Variants in FAM163A observed in about 807,000 individuals in gnomAD.
FAM163A encodes the protein protein FAM163A.
In FAM163A, 7 loss-of-function variants were observed where a neutral mutation model predicts 12.0. That is an observed-to-expected ratio of 0.58 (90% CI 0.33 to 1.10). The LOEUF (loss-of-function observed/expected upper bound fraction) is 1.10. FAM163A is among the 50% of genes least tolerant of loss of function. The pLI, the probability that FAM163A is intolerant of heterozygous loss-of-function variation, is 0.03. For synonymous variants in FAM163A, 101 were observed against 91.0 expected (o/e 1.11, Z -0.62); for missense variants, 202 against 218.6 (o/e 0.92, Z 0.48).
intron 1 of FAM163A, among the ~76,000 whole-genome samples, chr1:179,769,236 C>T (rs2148100830): frequency 6.6e-6 from 1 of 152,242 alleles, no homozygotes; most frequent in South Asian, 2.1e-4. Context: ...GCCTCAAACT[C>T]CTGGGCTTAA....
intron 1 of FAM163A, among the ~76,000 whole-genome samples, chr1:179,757,329 G>T (rs559842582): frequency 6.6e-6 from 1 of 152,312 alleles, no homozygotes; most frequent in Non-Finnish European, 1.5e-5. Context: ...AGCAGGATTA[G>T]ATTACAAATG....
intron 1 of FAM163A, among the ~76,000 whole-genome samples, chr1:179,744,037 G>T (rs1684060470): frequency 2.0e-5 from 3 of 152,172 alleles, no homozygotes; most frequent in Non-Finnish European, 1.5e-5. Flanking sequence ...TTGAGACCGG[G>T]GCTCGGTTTG....
rs111251859 is a variant in FAM163A at position 179,815,150 on chromosome 1, C to G, written c.*961C>G. 365 of 150,516 alleles carry G rather than the reference C, an allele frequency of 2.4e-3. No individual in the cohort carries two copies. The highest frequency in any genetic ancestry group is 3.6e-3 in the Admixed American group (53 of 14,576). The allele number at this position is 150,516 out of a possible 1,614,324, so 9.3% of individuals were successfully genotyped here. ...ACACACACACACACACACACACACA[C>G]AGTAACCACGGGTAGGCACCAGGGG... On this transcript the variant is annotated 3_prime_UTR_variant, in exon 5 of 5. Transcript: ENST00000341785.
chr1:179,793,045 T>C (rs1056734343), intron 1 of FAM163A, among the ~76,000 whole-genome samples: 3 of 152,090 alleles, frequency 2.0e-5, no homozygotes, highest in Non-Finnish European at 2.9e-5. Context: ...TCATGTAGTT[T>C]TGTGGAACAG....
At chr1:179,792,222 C>T (rs1049945917) in intron 1 of FAM163A, among the ~76,000 whole-genome samples, 1 of 151,990 alleles carries the variant, frequency 6.6e-6, no homozygotes, top group African/African-American at 2.4e-5. Context: ...TGGGCTCAAG[C>T]AATCCTCCTG....
At chr1:179,808,166 C>T (rs1054747197) in intron 2 of FAM163A, among the ~76,000 whole-genome samples, 4 of 152,086 alleles carry the variant, frequency 2.6e-5, no homozygotes, top group African/African-American at 9.7e-5. Context: ...AGAAACTCCA[C>T]AGCACTGGCC....
intron 1 of FAM163A, among the ~76,000 whole-genome samples, chr1:179,788,642 C>T (rs111428929): frequency 1.1e-3 from 174 of 152,150 alleles, no homozygotes; most frequent in African/African-American, 3.8e-3. Flanking sequence ...GTCTCCAAAG[C>T]GGGGAAAATA....
chr1:179,779,025 G>A (rs1689365245), intron 1 of FAM163A, among the ~76,000 whole-genome samples: 1 of 152,154 alleles, frequency 6.6e-6, no homozygotes, highest in African/African-American at 2.4e-5. Flanking sequence ...AAAAGGTTTA[G>A]GCAGGACAGA....
At chr1:179,740,705 A>C (rs1164921424), upstream of FAM163A, among the ~76,000 whole-genome samples, 1 of 152,212 alleles carries the variant, frequency 6.6e-6, no homozygotes, top group East Asian at 1.9e-4. Context: ...GGAAATGGGA[A>C]ACAGGTAAGT....
chr1:179,801,875 G>A (rs1165905723), intron 1 of FAM163A, among the ~76,000 whole-genome samples: 2 of 152,174 alleles, frequency 1.3e-5, no homozygotes, highest in East Asian at 1.9e-4. Flanking sequence ...TTCCAAGTCT[G>A]TGCCCCCAAA....
intron 1 of FAM163A, among the ~76,000 whole-genome samples, chr1:179,773,263 T>C (rs1688507091): frequency 6.6e-6 from 1 of 152,052 alleles, no homozygotes; most frequent in African/African-American, 2.4e-5. Context: ...ATCCTTATGA[T>C]AGAACTGTTT....
intron 1 of FAM163A, among the ~76,000 whole-genome samples, chr1:179,761,180 G>T (rs75726343): frequency 0.014 from 2,070 of 152,360 alleles, 41 homozygotes; most frequent in African/African-American, 0.047. Flanking sequence ...TGTGCATTTT[G>T]TGTGTATGAG....
At chr1:179,753,955 T>C (rs1389339355) in intron 1 of FAM163A, among the ~76,000 whole-genome samples, 1 of 152,170 alleles carries the variant, frequency 6.6e-6, no homozygotes, top group Non-Finnish European at 1.5e-5. Context: ...TTAACAAAGG[T>C]ATGCTGTTGT....
At chr1:179,739,699 G>A (rs1461931148), upstream of FAM163A, among the ~76,000 whole-genome samples, 2 of 152,054 alleles carry the variant, frequency 1.3e-5, no homozygotes, top group African/African-American at 2.4e-5. Context: ...CAGTCAAAAA[G>A]ACAAAACAAT....
chr1:179,736,330 C>CA, the FAM163A span, among the ~76,000 whole-genome samples: 330 of 146,742 alleles, frequency 2.2e-3, 2 homozygotes, highest in African/African-American at 6.6e-3. Flanking sequence ...AACTCAGTGA[C>CA]AAAAAAAAAA....
chr1:179,733,462 A>G, the FAM163A span, among the ~76,000 whole-genome samples: 1 of 152,204 alleles, frequency 6.6e-6, no homozygotes, highest in Non-Finnish European at 1.5e-5. Flanking sequence ...AGACCAGGAA[A>G]GGGAGGAAAT....
At chr1:179,793,140 T>G (rs1220461435) in intron 1 of FAM163A, among the ~76,000 whole-genome samples, 1 of 152,126 alleles carries the variant, frequency 6.6e-6, no homozygotes, top group African/African-American at 2.4e-5. Context: ...CCCCATCCTT[T>G]CTCTGACAAC....
chr1:179,740,519 C>A (rs1317849813), upstream of FAM163A, among the ~76,000 whole-genome samples: 4 of 152,194 alleles, frequency 2.6e-5, no homozygotes, highest in East Asian at 7.7e-4. Flanking sequence ...GCTGGTGGTA[C>A]ATGCATACCA....
intron 1 of FAM163A, among the ~76,000 whole-genome samples, chr1:179,773,937 G>C (rs1688604158): frequency 6.6e-6 from 1 of 152,236 alleles, no homozygotes; most frequent in Non-Finnish European, 1.5e-5. Flanking sequence ...CTAATTGAAA[G>C]GGGCAGTGAG....
Sources: allele counts gnomAD v4.1 joint callset (sites outside exome capture counted in the v4.1 genomes callset), GRCh38; gene constraint gnomAD v4.1.1; transcripts MANE v1.5; gene names NCBI Gene and HGNC (gene_info 2026-07-23, HGNC 2026-07-21).